The following SLC25A13 variants were observed in gnomAD, a reference collection of about 807,000 sequenced individuals.
SLC25A13 encodes solute carrier family 25 member 13, also known as electrogenic aspartate/glutamate antiporter SLC25A13, mitochondrial.
SLC25A13 carries 70 observed loss-of-function variants against 85.5 expected under a neutral mutation model. The ratio of observed to expected loss-of-function variants is 0.82; its 90% CI spans 0.68 to 1.00. The LOEUF (loss-of-function observed/expected upper bound fraction) is 1.00, where lower values mean the gene tolerates loss of function less well. Ranked by LOEUF, SLC25A13 falls within the 50% of genes least tolerant of loss-of-function variation. The pLI is 0.00. For missense variants in SLC25A13, 765 were observed against 819.8 expected (o/e 0.93, Z 0.82); for synonymous variants, 259 against 288.7 (o/e 0.90, Z 1.04).
At chr7:96,294,870 CT>C (rs1197920696) in intron 2 of SLC25A13, among the ~76,000 whole-genome samples, 3 of 151,814 alleles carry the variant, frequency 2.0e-5, no homozygotes, top group Non-Finnish European at 4.4e-5. Context: ...CAAATGTGTC[CT>C]TTTTTTTCCT....
intron 11 of SLC25A13, among the ~76,000 whole-genome samples, chr7:96,183,394 C>G (rs373641727): frequency 4.7e-4 from 71 of 152,224 alleles, no homozygotes; most frequent in African/African-American, 1.7e-3. Flanking sequence ...TTTCACCGTC[C>G]ACCTCAGCAG....
intron 4 of SLC25A13, among the ~76,000 whole-genome samples, chr7:96,215,623 A>G (rs1795867998): frequency 6.6e-6 from 1 of 152,182 alleles, no homozygotes; most frequent in Non-Finnish European, 1.5e-5. Flanking sequence ...CACCCTGTAT[A>G]CAAAAATTAA....
rs534732309 is a variant in SLC25A13 at position 96,264,539 on chromosome 7, T to C, written c.212+12657A>G. On this transcript the variant is annotated intron_variant, in intron 3 of 17. Transcript: ENST00000265631. Reference sequence around the variant, plus strand: ...CAAAAATTTTAGGTCTCAGGACCTCTTAACACAGTTATAAATTGTTGAGGT... The same window carrying C: ...CAAAAATTTTAGGTCTCAGGACCTCCTAACACAGTTATAAATTGTTGAGGT... Among the ~76,000 whole-genome samples the C allele has an allele frequency of 7.9e-5, 12 of 152,330 alleles. No homozygotes were observed. In the South Asian group the frequency reaches 1.2e-3, roughly 16 times the overall value.
At chr7:96,236,462 A>C (rs1389178869) in intron 3 of SLC25A13, among the ~76,000 whole-genome samples, 2 of 152,226 alleles carry the variant, frequency 1.3e-5, no homozygotes, top group African/African-American at 4.8e-5. Flanking sequence ...TAAAAGAAAA[A>C]GTAAAGCACT....
At chr7:96,123,455 T>C (rs984911359) in intron 15 of SLC25A13, among the ~76,000 whole-genome samples, 1 of 152,112 alleles carries the variant, frequency 6.6e-6, no homozygotes, top group Non-Finnish European at 1.5e-5. Flanking sequence ...ATACAAGCAA[T>C]AAAATGGGCA....
chr7:96,297,712 C>T (rs1205885334), intron 1 of SLC25A13, among the ~76,000 whole-genome samples: 3 of 152,158 alleles, frequency 2.0e-5, no homozygotes, highest in African/African-American at 7.2e-5. Context: ...CACAGTTTCA[C>T]CATGAACAGG....
At chr7:96,199,321 G>A (rs532390302) in intron 5 of SLC25A13, among the ~76,000 whole-genome samples, 2 of 152,262 alleles carry the variant, frequency 1.3e-5, no homozygotes, top group African/African-American at 4.8e-5. Context: ...GTAGAAATGG[G>A]TGAGATCATC....
intron 11 of SLC25A13, among the ~76,000 whole-genome samples, chr7:96,174,527 T>C (rs1337282809): frequency 6.6e-6 from 1 of 152,228 alleles, no homozygotes; most frequent in East Asian, 1.9e-4. Flanking sequence ...TCTTCACAAT[T>C]GAAATTTTCA....
At chr7:96,134,529 G>A (rs1352858435) in intron 14 of SLC25A13, among the ~76,000 whole-genome samples, 8 of 151,922 alleles carry the variant, frequency 5.3e-5, no homozygotes, top group African/African-American at 1.2e-4. Flanking sequence ...GACATGACTC[G>A]AAATTATAAA....
At chr7:96,163,813 C>CA (rs1793621661) in intron 13 of SLC25A13, among the ~76,000 whole-genome samples, 1 of 152,138 alleles carries the variant, frequency 6.6e-6, no homozygotes. Context: ...CCTCAACAGC[C>CA]ATATCCAAAC....
intron 2 of SLC25A13, among the ~76,000 whole-genome samples, chr7:96,291,946 T>A (rs1368479795): frequency 6.6e-6 from 1 of 152,204 alleles, no homozygotes; most frequent in Non-Finnish European, 1.5e-5. Flanking sequence ...GCCATCATCC[T>A]GATACCAAAG....
intron 1 of SLC25A13, among the ~76,000 whole-genome samples, chr7:96,311,496 G>A (rs960753367): frequency 3.3e-5 from 5 of 152,134 alleles, no homozygotes; most frequent in Admixed American, 1.3e-4. Context: ...CAGGAAAGAC[G>A]ACCCAATTCC....
chr7:96,162,172 GAAGT>G (rs1793532559), intron 13 of SLC25A13, among the ~76,000 whole-genome samples: 1 of 152,162 alleles, frequency 6.6e-6, no homozygotes, highest in African/African-American at 2.4e-5. Context: ...AAAAGATCGC[GAAGT>G]AAGACTTAAA....
chr7:96,289,253 C>G (rs1022090138), intron 2 of SLC25A13, among the ~76,000 whole-genome samples: 2 of 152,324 alleles, frequency 1.3e-5, no homozygotes, highest in Middle Eastern at 6.8e-3. Context: ...AAAACCCCAT[C>G]TGTACGTCAC....
chr7:96,287,749 T>C (rs551877758), intron 2 of SLC25A13, among the ~76,000 whole-genome samples: 6 of 152,336 alleles, frequency 3.9e-5, no homozygotes, highest in East Asian at 1.9e-4. Context: ...ACACCCTCTA[T>C]GGTGTTCCCA....
chr7:96,222,361 C>T (rs956592730), intron 4 of SLC25A13, among the ~76,000 whole-genome samples: 1 of 152,206 alleles, frequency 6.6e-6, no homozygotes, highest in African/African-American at 2.4e-5. Flanking sequence ...CTAGTTTCTT[C>T]CATTTTGGTC....
chr7:96,170,037 G>A lies in SLC25A13; in HGVS notation c.1311+8C>T. On this transcript the variant is annotated splice_region_variant and intron_variant, in intron 13 of 17. Transcript: ENST00000265631. The stretch of plus-strand genomic sequence containing the variant: ...TTTTCAATGAAGAGAGCTTCAAAAG[G>A]TACTTACGCAGCCTCCAGCAAGAAT... 1 of 1,613,680 alleles carries A rather than the reference G, an allele frequency of 6.2e-7. No homozygotes were observed. The highest frequency in any genetic ancestry group is 8.5e-7 in the Non-Finnish European group (1 of 1,179,612).
At chr7:96,155,683 C>G (rs1793234286) in intron 13 of SLC25A13, among the ~76,000 whole-genome samples, 1 of 152,218 alleles carries the variant, frequency 6.6e-6, no homozygotes, top group African/African-American at 2.4e-5. Context: ...ATAGCTGTAA[C>G]TACTTGAATA....
intron 1 of SLC25A13, among the ~76,000 whole-genome samples, chr7:96,310,125 T>G (rs1469674412): frequency 6.6e-6 from 1 of 152,148 alleles, no homozygotes; most frequent in East Asian, 1.9e-4. Context: ...AGCCATCCAG[T>G]CTCTAGTACT....
Sources: allele counts gnomAD v4.1 joint callset (sites outside exome capture counted in the v4.1 genomes callset), GRCh38; gene constraint gnomAD v4.1.1; transcripts MANE v1.5; gene names NCBI Gene and HGNC (gene_info 2026-07-23, HGNC 2026-07-21).